The following ABTB3 variants were observed in gnomAD, a reference collection of about 807,000 sequenced individuals.
The protein encoded by ABTB3 is ankyrin repeat and BTB domain containing 3.
chr12:107,477,515 T>C, the ABTB3 span, among the ~76,000 whole-genome samples: 1 of 152,198 alleles, frequency 6.6e-6, no homozygotes, highest in Admixed American at 6.5e-5. Flanking sequence ...AAGTTCATCC[T>C]TGTGTGTGCT....
chr12:107,343,458 T>C, the ABTB3 span, among the ~76,000 whole-genome samples: 2 of 152,220 alleles, frequency 1.3e-5, no homozygotes, highest in African/African-American at 4.8e-5. Context: ...GAATGTGCCA[T>C]ATTTGACCAA....
At chr12:107,471,502 T>C in the ABTB3 span, among the ~76,000 whole-genome samples, 2 of 152,206 alleles carry the variant, frequency 1.3e-5, no homozygotes, top group African/African-American at 4.8e-5. Context: ...TAACAGCTTA[T>C]AGGTATTGAG....
At chr12:107,601,518 T>C in the ABTB3 span, among the ~76,000 whole-genome samples, 2 of 152,146 alleles carry the variant, frequency 1.3e-5, no homozygotes, top group East Asian at 1.9e-4. Flanking sequence ...CCCAGAGTCA[T>C]AGTATGAGGA....
chr12:107,657,411 C>A, the ABTB3 span: 599 of 1,033,740 alleles, frequency 5.8e-4, no homozygotes, highest in Middle Eastern at 1.0e-3. Flanking sequence ...AGCCAGTCTT[C>A]CTTAGCAGGT....
chr12:107,471,578 T>G, the ABTB3 span, among the ~76,000 whole-genome samples: 1 of 152,138 alleles, frequency 6.6e-6, no homozygotes, highest in African/African-American at 2.4e-5. Flanking sequence ...ATCCTTAGAG[T>G]AGCAGTACTT....
At chr12:107,456,819 C>T in the ABTB3 span, among the ~76,000 whole-genome samples, 1 of 151,308 alleles carries the variant, frequency 6.6e-6, no homozygotes, top group African/African-American at 2.4e-5. Context: ...CAGTTTGGTT[C>T]TAGTGACGGT....
At chr12:107,561,655 C>A in the ABTB3 span, among the ~76,000 whole-genome samples, 1 of 152,190 alleles carries the variant, frequency 6.6e-6, no homozygotes, top group African/African-American at 2.4e-5. Flanking sequence ...TAAAACTCAA[C>A]ACAGACCCTT....
the ABTB3 span, among the ~76,000 whole-genome samples, chr12:107,354,413 T>C: frequency 6.6e-6 from 1 of 152,282 alleles, no homozygotes; most frequent in East Asian, 1.9e-4. Flanking sequence ...TCTTCTCCCC[T>C]GCCCTACCCC....
the ABTB3 span, among the ~76,000 whole-genome samples, chr12:107,411,103 C>T: frequency 6.6e-6 from 1 of 152,058 alleles, no homozygotes; most frequent in Admixed American, 6.6e-5. Flanking sequence ...ATTTTGAGAC[C>T]ACCCTGGCCA....
the ABTB3 span, among the ~76,000 whole-genome samples, chr12:107,343,331 A>T: frequency 6.6e-6 from 1 of 152,050 alleles, no homozygotes; most frequent in Non-Finnish European, 1.5e-5. Context: ...GTTCTTTTGT[A>T]TCTCTTTCCT....
At chr12:107,553,934 T>C in the ABTB3 span, among the ~76,000 whole-genome samples, 4 of 151,938 alleles carry the variant, frequency 2.6e-5, no homozygotes, top group Admixed American at 2.0e-4. Flanking sequence ...AGCAAGACTG[T>C]CTTGAGAGAG....
chr12:107,651,086 C>G, the ABTB3 span, among the ~76,000 whole-genome samples: 1 of 150,460 alleles, frequency 6.6e-6, no homozygotes, highest in African/African-American at 2.4e-5. Context: ...CTGTCGTTCT[C>G]TCAACACACA....
chr12:107,433,113 G>A, the ABTB3 span, among the ~76,000 whole-genome samples: 15 of 150,482 alleles, frequency 1.0e-4, no homozygotes, highest in Admixed American at 2.0e-4. Context: ...GTGAAACCCC[G>A]TCTCTACTAA....
chr12:107,344,781 C>T, the ABTB3 span, among the ~76,000 whole-genome samples: 1 of 152,218 alleles, frequency 6.6e-6, no homozygotes, highest in Non-Finnish European at 1.5e-5. Flanking sequence ...TGATAATAAA[C>T]ATAATCTTGA....
chr12:107,354,075 G>C, the ABTB3 span, among the ~76,000 whole-genome samples: 1 of 152,098 alleles, frequency 6.6e-6, no homozygotes. Flanking sequence ...ACAAGTAATA[G>C]AGCCATGGAA....
the ABTB3 span, among the ~76,000 whole-genome samples, chr12:107,462,486 G>A: frequency 6.6e-6 from 1 of 152,198 alleles, no homozygotes; most frequent in Admixed American, 6.5e-5. Flanking sequence ...TGATGATGGT[G>A]GTTATGATAA....
At chr12:107,564,672 C>T in the ABTB3 span, among the ~76,000 whole-genome samples, 12 of 152,250 alleles carry the variant, frequency 7.9e-5, no homozygotes, top group South Asian at 2.1e-4. Flanking sequence ...CTGACTGATG[C>T]GAAATCTCCT....
chr12:107,495,093 G>A, the ABTB3 span, among the ~76,000 whole-genome samples: 20 of 152,246 alleles, frequency 1.3e-4, no homozygotes, highest in Middle Eastern at 3.4e-3. Flanking sequence ...AGTCCTCTCC[G>A]GTGCTTATAG....
the ABTB3 span, among the ~76,000 whole-genome samples, chr12:107,449,381 G>A: frequency 6.6e-6 from 1 of 152,330 alleles, no homozygotes; most frequent in African/African-American, 2.4e-5. Flanking sequence ...CATGGGACAA[G>A]TAACCAATGG....
Sources: allele counts gnomAD v4.1 joint callset (sites outside exome capture counted in the v4.1 genomes callset), GRCh38; gene constraint gnomAD v4.1.1; transcripts MANE v1.5; gene names NCBI Gene and HGNC (gene_info 2026-07-23, HGNC 2026-07-21).